The following RNF24 variants were observed in gnomAD, a reference collection of about 807,000 sequenced individuals.
The protein encoded by RNF24 is ring finger protein 24.
In RNF24, 14 loss-of-function variants were observed where a neutral mutation model predicts 20.0. The observed-to-expected ratio is 0.70, with a 90% CI of 0.46 to 1.10. The LOEUF is 1.10. Among genes scored for constraint, RNF24 ranks in the 50% least tolerant of loss-of-function variants. RNF24 has a pLI of 0.00. For missense variants in RNF24, 124 were observed against 177.6 expected (o/e 0.70, Z 1.71); for synonymous variants, 45 against 61.1 (o/e 0.74, Z 1.23).
chr20:4,009,582 C>T (rs1982270738), intron 1 of RNF24, among the ~76,000 whole-genome samples: 1 of 151,976 alleles, frequency 6.6e-6, no homozygotes, highest in Non-Finnish European at 1.5e-5. Flanking sequence ...CTCCTAAACC[C>T]TCAATGAACT....
chr20:3,939,229 AGGG>A (rs2090926641), intron 4 of RNF24, among the ~76,000 whole-genome samples: 1 of 152,146 alleles, frequency 6.6e-6, no homozygotes, highest in Non-Finnish European at 1.5e-5. Flanking sequence ...CCTGGACTCA[AGGG>A]AGCTTCCCCC....
chr20:3,982,360 G>A (rs535802071), intron 1 of RNF24, among the ~76,000 whole-genome samples: 12 of 145,494 alleles, frequency 8.2e-5, no homozygotes, highest in Non-Finnish European at 1.8e-4. Context: ...GGCAGATCAT[G>A]AGGTCAGGAG....
At chr20:3,950,147 A>G (rs369412375) in intron 2 of RNF24, among the ~76,000 whole-genome samples, 146 of 123,706 alleles carry the variant, frequency 1.2e-3, no homozygotes, top group African/African-American at 4.7e-3. Context: ...CTATTTGCCT[A>G]TCCTTGTATA....
intron 4 of RNF24, among the ~76,000 whole-genome samples, chr20:3,937,577 C>G (rs1050816327): frequency 1.3e-5 from 1 of 77,530 alleles, no homozygotes; most frequent in Admixed American, 1.8e-4. Context: ...CCCCCCAAAA[C>G]AAGCCCATAT....
At position 3,931,000 on chromosome 20, in the gene RNF24, G is replaced by A. The variant is rs1343058764; in HGVS notation, c.*3063C>T. ...AGGGACAGGCCTAACCAAATCACAC[G>A]TGGCAAAGAAAAGCAGCAGATGTCA... On this transcript the variant is annotated 3_prime_UTR_variant, in exon 6 of 6. Transcript: ENST00000358395. 6.6e-6 allele frequency: 1 copy of A among 152,240 alleles called. No individual in the cohort carries two copies. Among genetic ancestry groups the A allele is most frequent in the East Asian group, 1.9e-4 (1 of 5,206 alleles). 9.4% of individuals were successfully genotyped at this position (152,240 alleles called of 1,614,324 possible). A position where few individuals can be genotyped will look rare whatever the true frequency, so the allele number is the denominator to read the frequency against.
intron 1 of RNF24, among the ~76,000 whole-genome samples, chr20:3,996,520 T>C (rs938114756): frequency 1.3e-5 from 2 of 152,164 alleles, no homozygotes; most frequent in Non-Finnish European, 2.9e-5. Flanking sequence ...TTATCATTAA[T>C]GAGTCTGTAT....
At chr20:3,952,330 CTACTG>C (rs2091090726) in intron 2 of RNF24, among the ~76,000 whole-genome samples, 1 of 151,934 alleles carries the variant, frequency 6.6e-6, no homozygotes, top group Non-Finnish European at 1.5e-5. Flanking sequence ...ATTTTTGATG[CTACTG>C]TAAATAGTGT....
chr20:3,939,384 G>T (rs1043474150), intron 4 of RNF24, among the ~76,000 whole-genome samples: 1 of 152,162 alleles, frequency 6.6e-6, no homozygotes, highest in South Asian at 2.1e-4. Context: ...ATAGTATGAG[G>T]TAGATGTCTA....
At chr20:4,008,379 TAA>T (rs1373047798) in intron 1 of RNF24, among the ~76,000 whole-genome samples, 224 of 16,064 alleles carry the variant, frequency 0.014, 5 homozygotes, top group Middle Eastern at 0.11. Context: ...ATTATATATA[TAA>T]TATATATATT....
intron 2 of RNF24, among the ~76,000 whole-genome samples, chr20:3,950,353 G>T (rs2091067501): frequency 6.6e-6 from 1 of 152,164 alleles, no homozygotes; most frequent in Non-Finnish European, 1.5e-5. Context: ...AGACGGAAAA[G>T]AAGGCCATGT....
At position 3,929,955 on chromosome 20, in the gene RNF24, G is replaced by C. The variant is rs753951851; in HGVS notation, c.*4108C>G. ...ATTTTGTATTCTGATTTCTGGGATG[G>C]CTCTTCCCACATTAGTAGGAGCGTT... is the stretch of plus-strand genomic sequence containing the variant. On this transcript the variant is annotated 3_prime_UTR_variant, in exon 6 of 6. Transcript: ENST00000358395. 6.6e-6 allele frequency: 1 copy of C among 151,960 alleles called. No homozygotes were observed. The highest frequency in any genetic ancestry group is 1.5e-5 in the Non-Finnish European group (1 of 68,046). 9.4% of individuals were successfully genotyped at this position (151,960 alleles called of 1,614,324 possible). A position where few individuals can be genotyped will look rare whatever the true frequency, so the allele number is the denominator to read the frequency against.
intron 4 of RNF24, among the ~76,000 whole-genome samples, chr20:3,936,899 C>T (rs1424724767): frequency 2.0e-5 from 3 of 152,036 alleles, no homozygotes; most frequent in Admixed American, 2.0e-4. Flanking sequence ...TGCAGTGGTG[C>T]GATCTCAGCT....
chr20:3,968,014 T>C (rs537249682), intron 1 of RNF24, among the ~76,000 whole-genome samples: 104 of 129,698 alleles, frequency 8.0e-4, no homozygotes, highest in Non-Finnish European at 1.4e-3. Flanking sequence ...GAATAAAAAA[T>C]GTAACAGGTG....
intron 1 of RNF24, among the ~76,000 whole-genome samples, chr20:3,964,623 A>C (rs554386932): frequency 5.9e-5 from 9 of 152,242 alleles, no homozygotes; most frequent in African/African-American, 1.9e-4. Flanking sequence ...CCCGGGCTCA[A>C]GCAATTCTTC....
rs1234169558 is a variant in RNF24, at chr20:3,929,729, TTG to T, written c.*4332_*4333del. 6.6e-6 allele frequency: 1 copy of T among 152,236 alleles called. No homozygotes were observed. The highest frequency in any genetic ancestry group is 1.9e-4 in the East Asian group (1 of 5,190). 9.4% of individuals were successfully genotyped at this position (152,236 alleles called of 1,614,324 possible). A position where few individuals can be genotyped will look rare whatever the true frequency, so the allele number is the denominator to read the frequency against. On this transcript the variant is annotated 3_prime_UTR_variant, in exon 6 of 6. Transcript: ENST00000358395. ...CTGCTGTCAGCTACAGAGCCTGATC[TTG>T]AGCATCCTGTCGCAGATAGAAAGTC...
At chr20:4,006,198 G>C (rs1242367484) in intron 1 of RNF24, among the ~76,000 whole-genome samples, 1 of 152,032 alleles carries the variant, frequency 6.6e-6, no homozygotes, top group African/African-American at 2.4e-5. Flanking sequence ...GTGAAACCCT[G>C]TCTCTACTAA....
chr20:3,973,288 G>A (rs1019092844), intron 1 of RNF24, among the ~76,000 whole-genome samples: 2 of 151,834 alleles, frequency 1.3e-5, no homozygotes, highest in Admixed American at 1.3e-4. Context: ...GCAATTCATG[G>A]TACTAAACGC....
chr20:3,934,250 G>C lies in RNF24; in HGVS notation c.309-49C>G. On this transcript the variant is annotated intron_variant, in intron 5 of 5. Coordinates refer to ENST00000358395, the MANE Select transcript of RNF24 (RefSeq NM_001134337.3). This position sits in a 1 kb window ranked among gnomAD's most constrained non-coding sequence, Gnocchi z 4.0. ...GGAAGATGTCAGTCCTATGCTCATG[G>C]CACGGCTGTTCTGCTGAACATCTCC... 1 of 1,569,066 alleles carries C rather than the reference G, an allele frequency of 6.4e-7. No individual in the cohort carries two copies. The highest frequency in any genetic ancestry group is 1.2e-5 in the South Asian group (1 of 86,180).
chr20:3,943,888 G>C (rs912216145), intron 4 of RNF24, among the ~76,000 whole-genome samples: 2 of 152,116 alleles, frequency 1.3e-5, no homozygotes, highest in Non-Finnish European at 2.9e-5. Context: ...TTGGCCATGT[G>C]TCAAAATTAA....
Sources: allele counts gnomAD v4.1 joint callset (sites outside exome capture counted in the v4.1 genomes callset), GRCh38; gene constraint gnomAD v4.1.1; non-coding constraint Gnocchi (gnomAD v3.1); transcripts MANE v1.5; gene names NCBI Gene and HGNC (gene_info 2026-07-23, HGNC 2026-07-21).